The following LYST variants were observed in gnomAD, a reference collection of about 807,000 sequenced individuals.
LYST encodes the protein lysosomal trafficking regulator, also known as lysosomal-trafficking regulator.
In LYST, 192 loss-of-function variants were observed where a neutral mutation model predicts 413.6. The observed-to-expected ratio is 0.46, with a 90% CI of 0.41 to 0.52. The LOEUF (loss-of-function observed/expected upper bound fraction) is 0.52, where lower values mean the gene tolerates loss of function less well. Ranked by LOEUF, LYST falls within the 20% of genes least tolerant of loss-of-function variation. The pLI is 0.00. For missense variants in LYST, 3,815 were observed against 4,499.9 expected (o/e 0.85, Z 4.35); for synonymous variants, 1,525 against 1,567.3 (o/e 0.97, Z 0.64).
chr1:235,755,457 T>C (rs764157793), intron 25 of LYST, 21 bp downstream of exon 25: 11 of 1,574,540 alleles, frequency 7.0e-6, no homozygotes, highest in East Asian at 2.2e-5. Flanking sequence ...CCAATTATAG[T>C]GGAGGGAAGA....
At chr1:235,731,431 T>C (rs1199253937) in intron 34 of LYST, among the ~76,000 whole-genome samples, 1 of 152,220 alleles carries the variant, frequency 6.6e-6, no homozygotes, top group Admixed American at 6.5e-5. Context: ...CTTTCAACTA[T>C]TAAATTTTTT....
intron 3 of LYST, 184 bp downstream of exon 3, chr1:235,830,042 A>T (rs1449416814): frequency 1.7e-5 from 10 of 579,584 alleles, no homozygotes; most frequent in East Asian, 2.9e-5. Context: ...GATATTTCAG[A>T]CGTTTTGAAA....
chr1:235,791,876 C>A lies in LYST; in HGVS notation c.4366G>T (p.Val1456Phe). The A allele has an allele frequency of 6.2e-7, 1 of 1,614,070 alleles. No homozygotes were observed. The highest frequency in any genetic ancestry group is 8.5e-7 in the Non-Finnish European group (1 of 1,180,002). ...RLLSSWHIAP[V>F]HLPLLGQNCW... ...TTTTGCCCCAGCAACGGCAGGTGGACTGGGGCTATGTGCCAAGATGAAAGC... is the reference window on the plus strand; with the variant it reads ...TTTTGCCCCAGCAACGGCAGGTGGAATGGGGCTATGTGCCAAGATGAAAGC... Residue 1456 changes from valine (V) to phenylalanine (F), a missense_variant, in exon 12 of 53, where the codon GTC becomes TTC. Transcript: ENST00000389793.
chr1:235,700,765 C>T (rs954165174), intron 45 of LYST, among the ~76,000 whole-genome samples: 2 of 152,224 alleles, frequency 1.3e-5, no homozygotes. Flanking sequence ...TCAGAGAAGA[C>T]ATTAATTTAA....
In LYST at chr1:235,780,977, T is replaced by C. The variant is rs1426076073; in HGVS notation, c.5102A>G (p.Tyr1701Cys). 6.2e-7 allele frequency: 1 copy of C among 1,610,096 alleles called. No individual in the cohort carries two copies. ...GGAGTAGTCATTGACTGGCTTGCCA[T>C]ACTTACATGGCATTACAGATGTATG... ...PNHTSVMPCK[Y>C]GKPVNDYSKY... The change falls in exon 16 of 53, where the codon TAT becomes TGT. Residue 1701 changes from tyrosine to cysteine, a missense_variant. Around this residue, in one of 4 missense-constraint regions of LYST, gnomAD observed 530 missense variants for 696.5 expected, o/e 0.76. Coordinates refer to ENST00000389793, the MANE Select transcript of LYST (RefSeq NM_000081.4).
intron 10 of LYST, among the ~76,000 whole-genome samples, chr1:235,796,620 G>T (rs936724177): frequency 6.6e-6 from 1 of 152,184 alleles, no homozygotes; most frequent in Non-Finnish European, 1.5e-5. Flanking sequence ...AGGTGACTGG[G>T]TCATGAGGAG....
At chr1:235,734,715 ATTAC>A (rs1359854793) in intron 31 of LYST, 56 bp from the exon 32 acceptor site, 3 of 1,176,114 alleles carry the variant, frequency 2.6e-6, no homozygotes, top group South Asian at 1.3e-5. Context: ...TTACATTTAA[ATTAC>A]TTAGTAGTAA....
chr1:235,863,058 C>G (rs1680084328), intron 1 of LYST, among the ~76,000 whole-genome samples: 1 of 151,880 alleles, frequency 6.6e-6, no homozygotes, highest in South Asian at 2.1e-4. Context: ...TGCAAATGGC[C>G]AAGTAAAGCC....
In LYST at chr1:235,777,155, G is replaced by T; in HGVS notation, c.5368C>A (p.Leu1790Ile). Residue 1790 changes from leucine (L) to isoleucine (I), a missense_variant, in exon 17 of 53, where the codon CTA becomes ATA. Leu to Ile is a conservative substitution (Grantham distance 5, BLOSUM62 2). Transcript: ENST00000389793. Reference protein sequence around the residue: ...VQSILLEPHHLKNLQPTEYKT... With the variant: ...VQSILLEPHHIKNLQPTEYKT... Reference sequence around the variant, plus strand: ...TATTCAGTAGGTTGGAGATTCTTTAGATGATGAGGTTCTAATAAGATGCTC... The same window carrying T: ...TATTCAGTAGGTTGGAGATTCTTTATATGATGAGGTTCTAATAAGATGCTC... 1 of 1,613,490 alleles carries T rather than the reference G, an allele frequency of 6.2e-7. No homozygotes were observed. Among genetic ancestry groups the T allele is most frequent in the Non-Finnish European group, 8.5e-7 (1 of 1,179,572 alleles).
chr1:235,712,220 C>T (rs200583452), intron 42 of LYST, 23 bp from the exon 43 acceptor site: 90 of 1,525,308 alleles, frequency 5.9e-5, no homozygotes, highest in African/African-American at 3.2e-4. Context: ...ACAAATAATA[C>T]GATTAAGACA....
At chr1:235,729,315 C>CA (rs1399775517) in intron 37 of LYST, among the ~76,000 whole-genome samples, 6 of 152,106 alleles carry the variant, frequency 3.9e-5, no homozygotes, top group African/African-American at 1.4e-4. Flanking sequence ...TCTAAATTGG[C>CA]ATATAATAAA....
intron 29 of LYST, among the ~76,000 whole-genome samples, chr1:235,744,961 A>T (rs1214085154): frequency 6.6e-6 from 1 of 151,694 alleles, no homozygotes; most frequent in Non-Finnish European, 1.5e-5. Context: ...TAATAACTTG[A>T]GTTTATCATG....
intron 3 of LYST, chr1:235,828,366 C>A (rs1375458650): frequency 6.4e-6 from 1 of 155,832 alleles, no homozygotes; most frequent in African/African-American, 2.4e-5. Context: ...GATGCACTTA[C>A]CTGTGACTAC....
chr1:235,698,347 A>G (rs1040602046), intron 45 of LYST, among the ~76,000 whole-genome samples: 1 of 152,244 alleles, frequency 6.6e-6, no homozygotes, highest in Admixed American at 6.5e-5. Context: ...CTTTTAAAAA[A>G]ATCGTGCCAC....
At position 235,724,069 on chromosome 1, in the gene LYST, T is replaced by C. The variant is rs1046138166; in HGVS notation, c.9274A>G (p.Thr3092Ala). The C allele has an allele frequency of 6.2e-7, 1 of 1,613,816 alleles. No homozygotes were observed. The highest frequency in any genetic ancestry group is 1.3e-5 in the African/African-American group (1 of 75,046). Residue 3092 changes from threonine (T) to alanine (A), a missense_variant, in exon 39 of 53, where the codon ACA (threonine) becomes GCA (alanine). Physicochemically the swap from Thr to Ala is moderately conservative, Grantham distance 58. This residue lies in a region of LYST where 866 missense variants were observed against 1,156.0 expected (regional missense o/e 0.75). Transcript: ENST00000389793. ...GCCAACAGGAGTGTTCTGCCATTTG[T>C]TAGAAAGATTTCTACAGCATTATCT... is the stretch of plus-strand genomic sequence containing the variant. Reference protein sequence around the residue: ...LRDNAVEIFLTNGRTLLLAFD... With the variant: ...LRDNAVEIFLANGRTLLLAFD...
chr1:235,830,405 T>C lies in LYST; in HGVS notation c.13A>G (p.Ser5Gly). Residue 5 changes from serine to glycine, a missense_variant, in exon 3 of 53, where the codon AGT becomes GGT. This residue lies in a region of LYST where 1,648 missense variants were observed against 1,810.3 expected (regional missense o/e 0.91). Coordinates refer to ENST00000389793, the MANE Select transcript of LYST (RefSeq NM_000081.4). MSTD[S>G]NSLAREFLTD... ...AGAAATTCACGTGCCAGTGAGTTAC[T>C]GTCGGTGCTCATGACCGAGCTATAA... 1 of 1,613,378 alleles carries C rather than the reference T, an allele frequency of 6.2e-7. No individual in the cohort carries two copies. Among genetic ancestry groups the C allele is most frequent in the Non-Finnish European group, 8.5e-7 (1 of 1,179,492 alleles).
chr1:235,694,590 A>G (rs1660943380), intron 46 of LYST, among the ~76,000 whole-genome samples: 1 of 152,242 alleles, frequency 6.6e-6, no homozygotes, highest in South Asian at 2.1e-4. Flanking sequence ...AATCAACAGC[A>G]TAGTGAAAAT....
intron 46 of LYST, among the ~76,000 whole-genome samples, chr1:235,696,284 G>C (rs1661096080): frequency 6.6e-6 from 1 of 152,202 alleles, no homozygotes; most frequent in Non-Finnish European, 1.5e-5. Flanking sequence ...TGCAGGTTGG[G>C]TGGAAGGCTA....
chr1:235,766,210 G>A lies in LYST; in HGVS notation c.5990C>T (p.Ala1997Val). 5 of 1,613,282 alleles carry A rather than the reference G, an allele frequency of 3.1e-6. No individual in the cohort carries two copies. Among genetic ancestry groups the A allele is most frequent in the Non-Finnish European group, 3.4e-6 (4 of 1,179,434 alleles). ...ATCTGGAGGAGATCCAAGGACTTCT[G>A]CTATAATTTTCACAAATGATCTACA... is the stretch of plus-strand genomic sequence containing the variant. ...EVCRSFVKII[A>V]EVLGSPPDLE... is the part of the protein sequence containing the mutation. The change falls in exon 21 of 53, where the codon GCA (alanine) becomes GTA (valine). Residue 1997 changes from alanine (A) to valine (V), a missense_variant. Ala to Val is a moderately conservative substitution (Grantham distance 64). Transcript: ENST00000389793.
Sources: allele counts gnomAD v4.1 joint callset (sites outside exome capture counted in the v4.1 genomes callset), GRCh38; gene constraint gnomAD v4.1.1; regional missense constraint gnomAD v4.1.1; transcripts MANE v1.5; gene names NCBI Gene and HGNC (gene_info 2026-07-23, HGNC 2026-07-21).